Variants in PTPN11 observed in about 807,000 individuals in gnomAD.
PTPN11 encodes the protein tyrosine-protein phosphatase non-receptor type 11.
In PTPN11, 6 loss-of-function variants were observed where a neutral mutation model predicts 78.8. The ratio of observed to expected loss-of-function variants is 0.08; its 90% confidence interval spans 0.04 to 0.15. The LOEUF is 0.15. PTPN11 is among the 10% of genes least tolerant of loss of function. The pLI, the probability that PTPN11 is intolerant of heterozygous loss-of-function variation, is 1.00. For synonymous variants in PTPN11, 221 were observed against 263.5 expected (o/e 0.84, Z 1.56); for missense variants, 386 against 744.8 (o/e 0.52, Z 5.61).
chr12:112,460,944 T>C (rs545097127), intron 6 of PTPN11, among the ~76,000 whole-genome samples: 3 of 152,296 alleles, frequency 2.0e-5, no homozygotes, highest in Non-Finnish European at 4.4e-5. Context: ...TCTTTTCTGC[T>C]GTTGAAGAAA....
intron 1 of PTPN11, among the ~76,000 whole-genome samples, chr12:112,420,407 G>T (rs902731283): frequency 1.3e-5 from 2 of 151,664 alleles, no homozygotes; most frequent in Middle Eastern, 3.4e-3. Context: ...GTGCAGTGGC[G>T]CAATCTCGGC....
At chr12:112,500,824 T>C (rs1048772949) in intron 13 of PTPN11, among the ~76,000 whole-genome samples, 3 of 152,176 alleles carry the variant, frequency 2.0e-5, no homozygotes, top group Non-Finnish European at 4.4e-5. Flanking sequence ...ACTCCTGACC[T>C]CAAGTGATCC....
chr12:112,451,234 T>C (rs1385532561), intron 3 of PTPN11, among the ~76,000 whole-genome samples: 1 of 152,228 alleles, frequency 6.6e-6, no homozygotes, highest in Non-Finnish European at 1.5e-5. Flanking sequence ...AGTGCTATTA[T>C]GTGCTGATAA....
intron 6 of PTPN11, among the ~76,000 whole-genome samples, chr12:112,468,183 T>A (rs2135888454): frequency 6.6e-6 from 1 of 152,272 alleles, no homozygotes; most frequent in Admixed American, 6.5e-5. Context: ...CTCATTAGCA[T>A]CCCTGCCAAG....
At chr12:112,477,120 G>A (rs73427513) in intron 7 of PTPN11, among the ~76,000 whole-genome samples, 5,968 of 152,032 alleles carry the variant, frequency 0.039, 266 homozygotes, top group African/African-American at 0.11. Flanking sequence ...GGGTTCAAGC[G>A]ATTTTTGTAC....
chr12:112,460,632 A>G (rs1282594560), intron 6 of PTPN11, among the ~76,000 whole-genome samples: 1 of 152,006 alleles, frequency 6.6e-6, no homozygotes, highest in Non-Finnish European at 1.5e-5. Flanking sequence ...TCACGAGGTC[A>G]AGAGATCGAG....
At chr12:112,457,969 A>G (rs2038188703) in intron 6 of PTPN11, among the ~76,000 whole-genome samples, 1 of 152,228 alleles carries the variant, frequency 6.6e-6, no homozygotes, top group African/African-American at 2.4e-5. Flanking sequence ...TCATGTTTAC[A>G]TCATTTTATT....
chr12:112,477,605 T>G, intron 7 of PTPN11, 46 bp from the exon 8 acceptor site: 1 of 1,472,986 alleles, frequency 6.8e-7, no homozygotes, highest in Non-Finnish European at 9.5e-7. Context: ...TGTTTTTTCC[T>G]GAAGCAGTCC....
At chr12:112,497,245 TG>T (rs1176893729) in intron 13 of PTPN11, among the ~76,000 whole-genome samples, 1 of 152,034 alleles carries the variant, frequency 6.6e-6, no homozygotes, top group Non-Finnish European at 1.5e-5. Flanking sequence ...AGGCTGAATC[TG>T]AGTTGTTGCA....
In PTPN11 at chr12:112,429,481, C is replaced by CTT. The variant is rs1177861343; in HGVS notation, c.14+10380_14+10381dup. ...GTTTCACCTTTGGCAGTTGAAACTA[C>CTT]TTTTTTTTTTTTTTTTTTTTTTTTT... On this transcript the variant is annotated intron_variant, in intron 1 of 15. Coordinates refer to ENST00000351677, the MANE Select transcript of PTPN11 (RefSeq NM_002834.5). Among the ~76,000 whole-genome samples, 687 of 110,816 alleles carry CTT rather than the reference C, an allele frequency of 6.2e-3. 17 individuals carry two copies. The highest frequency in any genetic ancestry group is 0.021 in the African/African-American group (623 of 29,394). The allele number at this position is 110,816 out of a possible 152,430, so 72.7% of individuals were successfully genotyped here. A position where few individuals can be genotyped will look rare whatever the true frequency, so the allele number is the denominator to read the frequency against.
At chr12:112,470,128 C>T (rs973005484) in intron 6 of PTPN11, among the ~76,000 whole-genome samples, 2 of 152,036 alleles carry the variant, frequency 1.3e-5, no homozygotes, top group African/African-American at 4.8e-5. Context: ...CACCATATTG[C>T]CCAGGCTGGT....
intron 13 of PTPN11, among the ~76,000 whole-genome samples, chr12:112,489,467 G>A (rs2038719816): frequency 6.6e-6 from 1 of 152,190 alleles, no homozygotes; most frequent in South Asian, 2.1e-4. Context: ...CATGTGGCAA[G>A]CGTAAAACTC....
Position 112,427,201 on chromosome 12 carries a change from G to A in PTPN11, c.14+8076G>A, listed in dbSNP as rs11066292. Among the ~76,000 whole-genome samples the A allele has an allele frequency of 0.056, 8,503 of 151,400 alleles. 1,261 individuals carry two copies. The East Asian group carries it at 0.61, about 11-fold the overall frequency. On this transcript the variant is annotated intron_variant, in intron 1 of 15. Transcript: ENST00000351677. The stretch of plus-strand genomic sequence containing the variant: ...GTGGAGGTTGCAGTGAGCCGAGATC[G>A]TGTCTTTGAACTCCAGCCTGGGTGA...
intron 1 of PTPN11, among the ~76,000 whole-genome samples, chr12:112,441,385 C>A (rs147773551): frequency 1.3e-5 from 2 of 152,226 alleles, no homozygotes; most frequent in African/African-American, 4.8e-5. Context: ...CCTTAGCCTC[C>A]TGAGTAGCTG....
intron 10 of PTPN11, among the ~76,000 whole-genome samples, chr12:112,483,385 T>C (rs1317748511): frequency 6.6e-6 from 1 of 152,234 alleles, no homozygotes; most frequent in East Asian, 1.9e-4. Flanking sequence ...GACGGTTGTC[T>C]CATTATGTTG....
At chr12:112,480,423 G>C (rs2038578623) in intron 9 of PTPN11, among the ~76,000 whole-genome samples, 1 of 147,236 alleles carries the variant, frequency 6.8e-6, no homozygotes, top group Admixed American at 6.9e-5. Context: ...CTGCAGTGCA[G>C]TGGCACTATC....
chr12:112,442,852 ATATATATATATATATATATATATAT>A (rs2037922116), intron 1 of PTPN11, among the ~76,000 whole-genome samples: 1 of 92,294 alleles, frequency 1.1e-5, no homozygotes, highest in Non-Finnish European at 2.0e-5. Flanking sequence ...ATATATATAT[ATATATATATATATATATATATATAT>A]AAATTATATA....
rs117730996 is a variant in PTPN11, at chr12:112,477,676, C to T, written c.879C>T (p.His293=). The T allele has an allele frequency of 2.7e-5, 43 of 1,612,894 alleles. No individual in the cohort carries two copies. Among genetic ancestry groups the T allele is most frequent in the South Asian group, 8.8e-5 (8 of 91,044 alleles). ...LPFDHTRVVL[H]DGDPNEPVSD... is the part of the protein sequence containing the mutation. ...TTGATCATACCAGGGTTGTCCTACA[C>T]GATGGTGATCCCAATGAGCCTGTTT... The change falls in exon 8 of 16, where the codon CAC becomes CAT. Residue 293 remains histidine (H), a synonymous_variant. Transcript: ENST00000351677.
intron 1 of PTPN11, among the ~76,000 whole-genome samples, chr12:112,429,661 G>A (rs1594129987): frequency 2.0e-5 from 3 of 151,526 alleles, no homozygotes. Context: ...AAAATTAACT[G>A]GGTGTGGTGG....
Sources: allele counts gnomAD v4.1 joint callset (sites outside exome capture counted in the v4.1 genomes callset), GRCh38; gene constraint gnomAD v4.1.1; transcripts MANE v1.5; gene names NCBI Gene and HGNC (gene_info 2026-07-23, HGNC 2026-07-21).